Variants in PRAM1 observed in about 807,000 individuals in gnomAD.
The protein encoded by PRAM1 is PML-RARA regulated adaptor molecule 1.
A neutral mutation model predicts 55.3 loss-of-function variants in PRAM1; 41 were observed. That is an observed-to-expected ratio of 0.74 (90% CI 0.58 to 0.96). The LOEUF (loss-of-function observed/expected upper bound fraction) is 0.96. PRAM1 is among the 40% of genes least tolerant of loss of function. The pLI is 0.00. For synonymous variants in PRAM1, 401 were observed against 387.1 expected (o/e 1.04, Z -0.42); for missense variants, 898 against 892.7 (o/e 1.01, Z -0.08).
chr19:8,497,870 CTTTTTTTTTTTTTT>C lies in PRAM1; in HGVS notation c.1500-44_1500-31del, dbSNP rs58671333. Reference sequence around the variant, plus strand: ...GGGGATACCTGAGATGAGGCCTCTTCTTTTTTTTTTTTTTTTTTTTTTTTTGAGACGGAGTTTTT... The same window carrying C: ...GGGGATACCTGAGATGAGGCCTCTTCTTTTTTTTTTTGAGACGGAGTTTTT... On this transcript the variant is annotated intron_variant, in intron 3 of 9. Transcript: ENST00000423345. 7.0e-5 allele frequency: 25 copies of C among 359,074 alleles called. No individual in the cohort carries two copies. The South Asian group carries it at 7.8e-4, about 11-fold the overall frequency. The allele number at this position is 359,074 out of a possible 1,614,324, so 22.2% of individuals were successfully genotyped here.
intron 2 of PRAM1, 27 bp from the exon 3 acceptor site, chr19:8,498,316 A>G: frequency 6.2e-7 from 1 of 1,606,126 alleles, no homozygotes; most frequent in East Asian, 2.2e-5. Context: ...AGGGCAGGGA[A>G]GCCGGCACTG....
At position 8,490,678 on chromosome 19, in the gene PRAM1, G is replaced by C. The variant is rs1169389305; in HGVS notation, c.1822C>G (p.Leu608Val). 6.2e-7 allele frequency: 1 copy of C among 1,602,366 alleles called. No individual in the cohort carries two copies. Among genetic ancestry groups the C allele is most frequent in the Middle Eastern group, 1.7e-4 (1 of 6,046 alleles). ...AKTRRGGGKH[L>V]GIRRGEILEV... ...AGGATCTCCCCGCGCCGGATCCCGAGGTGCTTGCCACCCCCGCGACGTGTC... is the reference window on the plus strand; with the variant it reads ...AGGATCTCCCCGCGCCGGATCCCGACGTGCTTGCCACCCCCGCGACGTGTC... The change falls in exon 7 of 10, where the codon CTC becomes GTC. Residue 608 changes from leucine (L) to valine (V), a missense_variant. Leu to Val is a conservative substitution (Grantham distance 32). Around this residue, in one of 4 missense-constraint regions of PRAM1, gnomAD observed 787 missense variants for 735.4 expected, o/e 1.07. Transcript: ENST00000423345. This position sits in a 1 kb window ranked among gnomAD's most constrained non-coding sequence, Gnocchi z 7.3.
chr19:8,490,901 G>A lies in PRAM1; in HGVS notation c.1729C>T (p.Arg577Trp), dbSNP rs1363460968. 6.8e-6 allele frequency: 11 copies of A among 1,613,460 alleles called. No homozygotes were observed. Among genetic ancestry groups the A allele is most frequent in the South Asian group, 1.1e-5 (1 of 91,092 alleles). The part of the protein sequence containing the change: ...RKAEKAEREF[R>W]KKFKFEGEIV... ...AGAGGCCTCACCTTGAACTTCTTCC[G>A]GAACTCCCTCTCGGCCTTCTCTGCC... The change falls in exon 6 of 10, where the codon CGG (arginine) becomes TGG (tryptophan). Residue 577 changes from arginine (R) to tryptophan (W), a missense_variant. By Grantham distance (101) the Arg-to-Trp change is moderately radical. This residue lies in a region of PRAM1 where 787 missense variants were observed against 735.4 expected (regional missense o/e 1.07). Coordinates refer to ENST00000423345, the MANE Select transcript of PRAM1 (RefSeq NM_032152.5). The surrounding 1 kb of genome is among the most constrained non-coding windows in gnomAD (Gnocchi z 7.3).
In PRAM1 at chr19:8,490,424, C is replaced by G; in HGVS notation, c.1940+52G>C. 1 of 1,613,748 alleles carries G rather than the reference C, an allele frequency of 6.2e-7. No homozygotes were observed. The highest frequency in any genetic ancestry group is 1.1e-5 in the South Asian group (1 of 91,046). The stretch of plus-strand genomic sequence containing the variant: ...GGGGCACCGTGGCCCATTCCCCCCA[C>G]CCTGCACCACACACCCCGCACTCCC... On this transcript the variant is annotated intron_variant, in intron 8 of 9. Transcript: ENST00000423345. This position sits in a 1 kb window ranked among gnomAD's most constrained non-coding sequence, Gnocchi z 7.3.
intron 4 of PRAM1, among the ~76,000 whole-genome samples, chr19:8,494,615 C>T (rs556975347): frequency 6.7e-6 from 1 of 150,374 alleles, no homozygotes; most frequent in Admixed American, 6.8e-5. Flanking sequence ...GAGCCTCAAC[C>T]TTGCGTACCT....
intron 4 of PRAM1, among the ~76,000 whole-genome samples, chr19:8,494,499 C>T (rs1463509555): frequency 2.0e-5 from 3 of 152,198 alleles, no homozygotes; most frequent in Non-Finnish European, 2.9e-5. Context: ...AGGCTGTCAG[C>T]GAGAGCAGGA....
At chr19:8,496,836 G>T (rs1429738692) in intron 4 of PRAM1, among the ~76,000 whole-genome samples, 1 of 151,930 alleles carries the variant, frequency 6.6e-6, no homozygotes, top group Non-Finnish European at 1.5e-5. Context: ...AGGAGATCGA[G>T]ACCACGGTGA....
At chr19:8,495,333 C>T (rs1333788940) in intron 4 of PRAM1, among the ~76,000 whole-genome samples, 1 of 152,104 alleles carries the variant, frequency 6.6e-6, no homozygotes, top group Non-Finnish European at 1.5e-5. Context: ...CTCCTGACCT[C>T]AGGTGATCCA....
At position 8,493,423 on chromosome 19, in the gene PRAM1, C is replaced by G. The variant is rs1052677161; in HGVS notation, c.1577-2266G>C. ...GCTTCCCTGGCCGTGAGCAGTCACT[C>G]CACCAGGAGCGAACCTGACCTTGGC... is the stretch of plus-strand genomic sequence containing the variant. On this transcript the variant is annotated intron_variant, in intron 4 of 9. Transcript: ENST00000423345. This position sits in a 1 kb window ranked among gnomAD's most constrained non-coding sequence, Gnocchi z 4.1. 6.6e-6 allele frequency among the ~76,000 whole-genome samples: 1 copy of G among 152,212 alleles called. No homozygotes were observed. The highest frequency in any genetic ancestry group is 2.4e-5 in the African/African-American group (1 of 41,464).
At chr19:8,497,877 T>TTC (rs1286005571) in intron 3 of PRAM1, 37 bp from the exon 4 acceptor site, 31 of 1,346,640 alleles carry the variant, frequency 2.3e-5, no homozygotes, top group Non-Finnish European at 2.8e-5. Flanking sequence ...CTTCTTTTTT[T>TTC]TTTTTTTTTT....
chr19:8,490,138 G>C lies in PRAM1; in HGVS notation c.*51C>G. ...CCCGCGCCGGGATCCAGGGCTCCTG[G>C]GTGAGCGGGCGCTGGGCTGGCTGGC... On this transcript the variant is annotated 3_prime_UTR_variant, in exon 10 of 10. Coordinates refer to ENST00000423345, the MANE Select transcript of PRAM1 (RefSeq NM_032152.5). This position sits in a 1 kb window ranked among gnomAD's most constrained non-coding sequence, Gnocchi z 7.3. 1 of 1,478,716 alleles carries C rather than the reference G, an allele frequency of 6.8e-7. No homozygotes were observed. 91.6% of individuals were successfully genotyped at this position (1,478,716 alleles called of 1,614,324 possible). A position where few individuals can be genotyped will look rare whatever the true frequency, so the allele number is the denominator to read the frequency against.
intron 4 of PRAM1, among the ~76,000 whole-genome samples, chr19:8,494,099 C>CT (rs1971665216): frequency 6.6e-6 from 1 of 152,240 alleles, no homozygotes; most frequent in African/African-American, 2.4e-5. Flanking sequence ...CGCCCGGCCC[C>CT]TTTTTTCTTT....
rs1230253565 is a variant in PRAM1, at chr19:8,498,824, G to A, written c.984C>T (p.Gly328=). 1.3e-6 allele frequency: 2 copies of A among 1,593,550 alleles called. No individual in the cohort carries two copies. The highest frequency in any genetic ancestry group is 1.7e-6 in the Non-Finnish European group (2 of 1,170,532). Residue 328 remains glycine (G), a synonymous_variant, in exon 2 of 10, where the codon GGC becomes GGT. Coordinates refer to ENST00000423345, the MANE Select transcript of PRAM1 (RefSeq NM_032152.5). ...SKKPPQPELG[G]LPRTSSEPEF... Reference sequence around the variant, plus strand: ...CGGGCTCTGAGGAGGTCCTGGGGAGGCCGCCCAGCTCGGGCTGCGGGGGCT... The same window carrying A: ...CGGGCTCTGAGGAGGTCCTGGGGAGACCGCCCAGCTCGGGCTGCGGGGGCT...
chr19:8,500,386 C>A (rs1365602407), intron 1 of PRAM1, among the ~76,000 whole-genome samples: 3 of 152,120 alleles, frequency 2.0e-5, no homozygotes, highest in South Asian at 2.1e-4. Flanking sequence ...CCTCCCCCAA[C>A]CAATTGCCTG....
intron 4 of PRAM1, chr19:8,496,116 A>G (rs1481791700): frequency 2.2e-6 from 1 of 456,010 alleles, no homozygotes; most frequent in East Asian, 7.0e-5. Context: ...CTTGAACACA[A>G]CAGGTCTAAG....
chr19:8,498,675 A>G lies in PRAM1; in HGVS notation c.1133T>C (p.Leu378Pro), dbSNP rs1199897137. Reference protein sequence around the residue: ...RHPQPEFFGDLPRKPPLPSSA... With the variant: ...RHPQPEFFGDPPRKPPLPSSA... ...GCTGGGGAGTGGAGGCTTTCGAGGG[A>G]GATCACCGAAGAACTCAGGCTGCGG... Residue 378 changes from leucine (L) to proline (P), a missense_variant, in exon 2 of 10, where the codon CTC becomes CCC. Leu to Pro is a moderately conservative substitution (Grantham distance 98). Transcript: ENST00000423345. 2 of 1,607,772 alleles carry G rather than the reference A, an allele frequency of 1.2e-6. No individual in the cohort carries two copies. Among genetic ancestry groups the G allele is most frequent in the Admixed American group, 3.4e-5 (2 of 58,924 alleles).
chr19:8,490,441 C>CG lies in PRAM1; in HGVS notation c.1940+34dup. On this transcript the variant is annotated intron_variant, in intron 8 of 9. Coordinates refer to ENST00000423345, the MANE Select transcript of PRAM1 (RefSeq NM_032152.5). The surrounding 1 kb of genome is among the most constrained non-coding windows in gnomAD (Gnocchi z 7.3). ...TCCCCCCACCCTGCACCACACACCCCGCACTCCCCCACCACGGTCAGGGCT... is the reference window on the plus strand; with the variant it reads ...TCCCCCCACCCTGCACCACACACCCCGGCACTCCCCCACCACGGTCAGGGCT... The CG allele has an allele frequency of 6.2e-7, 1 of 1,613,328 alleles. No individual in the cohort carries two copies. Among genetic ancestry groups the CG allele is most frequent in the South Asian group, 1.1e-5 (1 of 91,010 alleles).
chr19:8,490,673 C>T lies in PRAM1; in HGVS notation c.1827G>A (p.Gly609=). The change falls in exon 7 of 10, where the codon GGG becomes GGA. Residue 609 remains glycine (G), a synonymous_variant. Transcript: ENST00000423345. This position sits in a 1 kb window ranked among gnomAD's most constrained non-coding sequence, Gnocchi z 7.3. ...CCTCCAGGATCTCCCCGCGCCGGATCCCGAGGTGCTTGCCACCCCCGCGAC... is the reference window on the plus strand; with the variant it reads ...CCTCCAGGATCTCCCCGCGCCGGATTCCGAGGTGCTTGCCACCCCCGCGAC... ...KTRRGGGKHL[G]IRRGEILEVI... 2 of 1,599,026 alleles carry T rather than the reference C, an allele frequency of 1.3e-6. No individual in the cohort carries two copies. The highest frequency in any genetic ancestry group is 1.7e-6 in the Non-Finnish European group (2 of 1,172,824).
In PRAM1 at chr19:8,499,771, G is replaced by A; in HGVS notation, c.37C>T (p.Gln13Ter). The A allele has an allele frequency of 6.2e-7, 1 of 1,601,942 alleles. No homozygotes were observed. Among genetic ancestry groups the A allele is most frequent in the Non-Finnish European group, 8.5e-7 (1 of 1,174,402 alleles). Residue 13 changes from glutamine to a stop codon, truncating the protein, a stop_gained, in exon 2 of 10, where the codon CAG (glutamine) becomes TAG (stop). Transcript: ENST00000423345. LOFTEE classifies it high-confidence loss of function. ...TTTGCTTTGATGCTCCGGAAGTCCT[G>A]ATGGCTCTCCTAGGAGACGCAGAGC... ...HHLPAAMESH[Q>*]DFRSIKAKFQ...
Sources: allele counts gnomAD v4.1 joint callset (sites outside exome capture counted in the v4.1 genomes callset), GRCh38; gene constraint gnomAD v4.1.1; regional missense constraint gnomAD v4.1.1; non-coding constraint Gnocchi (gnomAD v3.1); transcripts MANE v1.5; gene names NCBI Gene and HGNC (gene_info 2026-07-23, HGNC 2026-07-21).